MYO1D: variants seen among roughly 807,000 people sequenced by gnomAD.
MYO1D encodes unconventional myosin-Id.
A neutral mutation model predicts 122.0 loss-of-function variants in MYO1D; 83 were observed. That is an observed-to-expected ratio of 0.68 (90% CI 0.57 to 0.82). The LOEUF is 0.82. Ranked by LOEUF, MYO1D falls within the 40% of genes least tolerant of loss-of-function variation. The pLI is 0.00. For missense variants in MYO1D, 1,157 were observed against 1,269.5 expected, an observed-to-expected ratio of 0.91 and a Z score of 1.35; for synonymous variants, 464 against 446.9, an observed-to-expected ratio of 1.04 and a Z score of -0.48.
chr17:32,824,621 A>T (rs1180467550), intron 1 of MYO1D, among the ~76,000 whole-genome samples: 1 of 152,238 alleles, frequency 6.6e-6, no homozygotes, highest in Non-Finnish European at 1.5e-5. Flanking sequence ...ATTGAAGAAG[A>T]CTGCATTACT....
At chr17:32,787,509 C>T (rs2151033844) in intron 1 of MYO1D, among the ~76,000 whole-genome samples, 1 of 152,078 alleles carries the variant, frequency 6.6e-6, no homozygotes, top group East Asian at 1.9e-4. Context: ...ACCTCCACCT[C>T]CTGGGTTCAA....
chr17:32,804,635 TTAA>T (rs972539945), intron 1 of MYO1D, among the ~76,000 whole-genome samples: 3 of 152,170 alleles, frequency 2.0e-5, no homozygotes, highest in African/African-American at 7.2e-5. Context: ...TTTTAAGCAA[TTAA>T]ATGTTTCACT....
chr17:32,739,053 A>T (rs1324508887), intron 13 of MYO1D, among the ~76,000 whole-genome samples: 1 of 152,176 alleles, frequency 6.6e-6, no homozygotes, highest in Non-Finnish European at 1.5e-5. Flanking sequence ...TCAGGTTAAA[A>T]TTGTATATTC....
chr17:32,687,416 C>G (rs2089033424), intron 16 of MYO1D, among the ~76,000 whole-genome samples: 1 of 152,160 alleles, frequency 6.6e-6, no homozygotes, highest in Non-Finnish European at 1.5e-5. Context: ...CCAGGATGGT[C>G]TCGATCTCCT....
chr17:32,646,290 A>T (rs1402837782), intron 19 of MYO1D, among the ~76,000 whole-genome samples: 1 of 152,140 alleles, frequency 6.6e-6, no homozygotes, highest in Non-Finnish European at 1.5e-5. Flanking sequence ...ACTTACTATC[A>T]CTTGTATGAA....
intron 19 of MYO1D, among the ~76,000 whole-genome samples, chr17:32,650,735 A>C (rs2088377324): frequency 6.6e-6 from 1 of 151,992 alleles, no homozygotes; most frequent in African/African-American, 2.4e-5. Flanking sequence ...TTATAACTTC[A>C]TGCAGGTCAT....
rs181522329 is a variant in MYO1D, at chr17:32,595,354, A to G, written c.2864+9733T>C. Among the ~76,000 whole-genome samples the G allele has an allele frequency of 5.7e-4, 87 of 152,352 alleles. 1 individual carries two copies. Among genetic ancestry groups the G allele is most frequent in the African/African-American group, 2.0e-3 (85 of 41,592 alleles). On this transcript the variant is annotated intron_variant, in intron 21 of 21. Transcript: ENST00000318217. The stretch of plus-strand genomic sequence containing the variant: ...TCAATATTCCTAATGAAAAGAAATG[A>G]TAAATGTCTGAGGTGATAGATATGC...
At chr17:32,669,283 C>G (rs1175540252) in intron 16 of MYO1D, among the ~76,000 whole-genome samples, 3 of 152,180 alleles carry the variant, frequency 2.0e-5, no homozygotes, top group Non-Finnish European at 4.4e-5. Context: ...AACACTCTCA[C>G]CACCAGAGAG....
At chr17:32,560,954 C>T (rs190843352) in intron 21 of MYO1D, among the ~76,000 whole-genome samples, 1 of 149,920 alleles carries the variant, frequency 6.7e-6, no homozygotes, top group Admixed American at 6.7e-5. Flanking sequence ...TCTTGCTGCC[C>T]AGGCTGGAGT....
At chr17:32,595,275 C>A (rs370132772) in intron 21 of MYO1D, among the ~76,000 whole-genome samples, 1 of 152,074 alleles carries the variant, frequency 6.6e-6, no homozygotes, top group South Asian at 2.1e-4. Context: ...TATCTGTAAT[C>A]GGTCACAATT....
At chr17:32,839,269 T>C (rs2090855051) in intron 1 of MYO1D, among the ~76,000 whole-genome samples, 1 of 152,184 alleles carries the variant, frequency 6.6e-6, no homozygotes, top group Admixed American at 6.5e-5. Flanking sequence ...GAGGTATACC[T>C]TGGTCCCAAG....
chr17:32,793,187 T>C (rs930542326), intron 1 of MYO1D, among the ~76,000 whole-genome samples: 2 of 151,820 alleles, frequency 1.3e-5, no homozygotes, highest in African/African-American at 4.8e-5. Context: ...GACATAGTAC[T>C]TGGCACATGG....
rs574285156 is a variant in MYO1D at position 32,743,260 on chromosome 17, C to A, written c.1613+1951G>T. Reference sequence around the variant, plus strand: ...TCTAGTCTATGGCTTTAAATACAATCAATACACTGATGACTGTGAATTTAT... The same window carrying A: ...TCTAGTCTATGGCTTTAAATACAATAAATACACTGATGACTGTGAATTTAT... On this transcript the variant is annotated intron_variant, in intron 13 of 21. Transcript: ENST00000318217. Among the ~76,000 whole-genome samples the A allele has an allele frequency of 2.6e-5, 4 of 152,276 alleles. No individual in the cohort carries two copies. The East Asian group carries it at 5.8e-4, about 22-fold the overall frequency.
chr17:32,793,889 C>G (rs1006390220), intron 1 of MYO1D, among the ~76,000 whole-genome samples: 6 of 152,202 alleles, frequency 3.9e-5, no homozygotes, highest in African/African-American at 1.2e-4. Flanking sequence ...GTGAGATACT[C>G]TGCATAAAGT....
At chr17:32,495,253 T>G (rs1374155317) in intron 21 of MYO1D, among the ~76,000 whole-genome samples, 1 of 152,202 alleles carries the variant, frequency 6.6e-6, no homozygotes, top group Non-Finnish European at 1.5e-5. Context: ...GGGCTGGGGT[T>G]CTGACTCTGA....
In MYO1D at chr17:32,552,041, T is replaced by C. The variant is rs554194407; in HGVS notation, c.2864+53046A>G. Among the ~76,000 whole-genome samples the C allele has an allele frequency of 1.1e-4, 17 of 152,348 alleles. No individual in the cohort carries two copies. In the South Asian group the frequency reaches 3.5e-3, roughly 32 times the overall value. ...TCCATAGCTAATGTCTTCTCCCTCA[T>C]CGTACTTTGCAGTCAAGCTTTACTT... On this transcript the variant is annotated intron_variant, in intron 21 of 21. Transcript: ENST00000318217.
intron 14 of MYO1D, among the ~76,000 whole-genome samples, chr17:32,721,653 G>A (rs2089512653): frequency 6.6e-6 from 1 of 152,178 alleles, no homozygotes; most frequent in Admixed American, 6.5e-5. Context: ...TGCTCCTTAA[G>A]TGTCAGCCAT....
intron 1 of MYO1D, among the ~76,000 whole-genome samples, chr17:32,795,279 A>G (rs1437172535): frequency 6.6e-6 from 1 of 152,208 alleles, no homozygotes; most frequent in Non-Finnish European, 1.5e-5. Context: ...ACAGATCATC[A>G]GCAGTGGAGA....
chr17:32,669,325 A>G (rs922296527), intron 16 of MYO1D, among the ~76,000 whole-genome samples: 1 of 152,192 alleles, frequency 6.6e-6, no homozygotes, highest in African/African-American at 2.4e-5. Flanking sequence ...GTCTACATAA[A>G]TAGGTCTTAC....
Sources: allele counts gnomAD v4.1 joint callset (sites outside exome capture counted in the v4.1 genomes callset), GRCh38; gene constraint gnomAD v4.1.1; transcripts MANE v1.5; gene names NCBI Gene and HGNC (gene_info 2026-07-23, HGNC 2026-07-21).